Variants in CNTNAP5 observed in about 807,000 individuals in gnomAD.
The protein encoded by CNTNAP5 is contactin-associated protein-like 5.
A neutral mutation model predicts 150.2 loss-of-function variants in CNTNAP5; 72 were observed. The ratio of observed to expected loss-of-function variants is 0.48; its 90% CI spans 0.40 to 0.58. The LOEUF (loss-of-function observed/expected upper bound fraction) is 0.58, where lower values mean the gene tolerates loss of function less well. Ranked by LOEUF, CNTNAP5 falls within the 20% of genes least tolerant of loss-of-function variation. The pLI, the probability that CNTNAP5 is intolerant of heterozygous loss-of-function variation, is 0.00. For missense variants in CNTNAP5, 1,636 were observed against 1,626.2 expected (o/e 1.01, Z -0.10); for synonymous variants, 672 against 619.8 (o/e 1.08, Z -1.25).
intron 13 of CNTNAP5, among the ~76,000 whole-genome samples, chr2:124,702,882 G>A (rs1007582956): frequency 6.6e-6 from 1 of 151,990 alleles, no homozygotes; most frequent in Non-Finnish European, 1.5e-5. Context: ...TTACTTCAGA[G>A]GACATCAAAA....
At chr2:124,251,194 C>T (rs1482039359) in intron 3 of CNTNAP5, among the ~76,000 whole-genome samples, 28 of 152,034 alleles carry the variant, frequency 1.8e-4, no homozygotes, top group Admixed American at 1.8e-3. Flanking sequence ...TGTCTAACAC[C>T]CTAGACTTGT....
intron 14 of CNTNAP5, among the ~76,000 whole-genome samples, chr2:124,749,738 C>T (rs1680684989): frequency 1.3e-5 from 2 of 152,132 alleles, no homozygotes. Context: ...TCTTAGCTGC[C>T]TTCTTGATCT....
chr2:124,654,577 C>T (rs554654347), intron 13 of CNTNAP5, among the ~76,000 whole-genome samples: 3 of 152,082 alleles, frequency 2.0e-5, no homozygotes, highest in East Asian at 3.9e-4. Context: ...AACTGAGCTG[C>T]GATTGCTTTG....
intron 4 of CNTNAP5, among the ~76,000 whole-genome samples, chr2:124,418,111 A>G (rs1691972224): frequency 6.6e-6 from 1 of 152,248 alleles, no homozygotes. Flanking sequence ...TTGCACATAA[A>G]GATTATAAAG....
At chr2:124,026,901 C>T (rs1489541178) in intron 1 of CNTNAP5, among the ~76,000 whole-genome samples, 1 of 152,202 alleles carries the variant, frequency 6.6e-6, no homozygotes, top group African/African-American at 2.4e-5. Flanking sequence ...CATTTATCCC[C>T]GGAGTTATGT....
At chr2:124,787,471 A>G (rs1681623742) in intron 17 of CNTNAP5, among the ~76,000 whole-genome samples, 3 of 152,212 alleles carry the variant, frequency 2.0e-5, no homozygotes, top group Non-Finnish European at 4.4e-5. Flanking sequence ...AAATAAAATA[A>G]TTGAACACAT....
chr2:124,154,372 G>A (rs151274613), intron 1 of CNTNAP5, among the ~76,000 whole-genome samples: 2 of 152,248 alleles, frequency 1.3e-5, no homozygotes, highest in African/African-American at 4.8e-5. Flanking sequence ...GAAAGGGCAT[G>A]GCAAAATGGG....
chr2:124,170,052 T>C (rs2104662335), intron 1 of CNTNAP5, among the ~76,000 whole-genome samples: 1 of 152,184 alleles, frequency 6.6e-6, no homozygotes, highest in East Asian at 1.9e-4. Context: ...TTTAGGGAAA[T>C]GGGCTATATA....
chr2:124,473,937 C>T (rs945341818), intron 6 of CNTNAP5, among the ~76,000 whole-genome samples: 3 of 152,042 alleles, frequency 2.0e-5, no homozygotes, highest in Non-Finnish European at 4.4e-5. Flanking sequence ...AAGTGAACCA[C>T]TATTAAATTA....
chr2:124,231,859 C>T (rs549660677), intron 2 of CNTNAP5, among the ~76,000 whole-genome samples: 1 of 152,080 alleles, frequency 6.6e-6, no homozygotes, highest in Non-Finnish European at 1.5e-5. Context: ...TGGCTAATTG[C>T]AAAACCACAT....
At chr2:124,504,251 A>G (rs373024235) in intron 7 of CNTNAP5, 41 bp from the exon 8 acceptor site, 16 of 1,591,638 alleles carry the variant, frequency 1.0e-5, no homozygotes, top group Non-Finnish European at 1.4e-5. Flanking sequence ...ATTGCGGAAT[A>G]AAAAATGGCT....
At chr2:124,676,474 G>A (rs1026699113) in intron 13 of CNTNAP5, among the ~76,000 whole-genome samples, 1 of 152,212 alleles carries the variant, frequency 6.6e-6, no homozygotes, top group Non-Finnish European at 1.5e-5. Context: ...GCCTCAGGCA[G>A]ATGTGATATT....
At chr2:124,227,489 C>T (rs893491169) in intron 2 of CNTNAP5, among the ~76,000 whole-genome samples, 2 of 152,078 alleles carry the variant, frequency 1.3e-5, no homozygotes, top group Non-Finnish European at 2.9e-5. Flanking sequence ...CTAAGATACA[C>T]ATGCATTATT....
At chr2:124,263,134 G>A (rs905234489) in intron 3 of CNTNAP5, among the ~76,000 whole-genome samples, 3 of 152,096 alleles carry the variant, frequency 2.0e-5, no homozygotes, top group Non-Finnish European at 1.5e-5. Flanking sequence ...CTTTATAACA[G>A]CATGATTTAT....
chr2:124,750,752 G>A (rs1164606823), intron 14 of CNTNAP5, among the ~76,000 whole-genome samples: 1 of 152,012 alleles, frequency 6.6e-6, no homozygotes, highest in Non-Finnish European at 1.5e-5. Context: ...TTGGGAGGCC[G>A]AGGTGGGCGG....
At chr2:124,276,613 T>G (rs1339730007) in intron 3 of CNTNAP5, among the ~76,000 whole-genome samples, 1 of 152,140 alleles carries the variant, frequency 6.6e-6, no homozygotes, top group African/African-American at 2.4e-5. Flanking sequence ...TAGATGAAAA[T>G]GACTTCCCAA....
intron 1 of CNTNAP5, among the ~76,000 whole-genome samples, chr2:124,161,858 A>T (rs1684688780): frequency 6.6e-6 from 1 of 152,232 alleles, no homozygotes; most frequent in Admixed American, 6.5e-5. Context: ...TTCAGAATTC[A>T]TCTGTGAATT....
At chr2:124,707,182 A>AGAAGAAGAT (rs1679705330) in intron 13 of CNTNAP5, among the ~76,000 whole-genome samples, 1 of 149,126 alleles carries the variant, frequency 6.7e-6, no homozygotes, top group East Asian at 2.0e-4. Context: ...AAGAAGAAGA[A>AGAAGAAGAT]GAAGAAGAAG....
In CNTNAP5 at chr2:124,095,263, A is replaced by C. The variant is rs192231802; in HGVS notation, c.82+69531A>C. ...ACATGAACAGAAAGCCAAGCACTGC[A>C]TGTTCTCAGTCATAAGCGGGAGTTG... On this transcript the variant is annotated intron_variant, in intron 1 of 23. Transcript: ENST00000682447. 8.5e-5 allele frequency among the ~76,000 whole-genome samples: 13 copies of C among 152,336 alleles called. No individual in the cohort carries two copies. The East Asian group carries it at 2.5e-3, about 29-fold the overall frequency.
Sources: allele counts gnomAD v4.1 joint callset (sites outside exome capture counted in the v4.1 genomes callset), GRCh38; gene constraint gnomAD v4.1.1; transcripts MANE v1.5; gene names NCBI Gene and HGNC (gene_info 2026-07-23, HGNC 2026-07-21).